ZNF274: variants seen among roughly 807,000 people sequenced by gnomAD.
ZNF274 encodes the protein zinc finger protein 274.
In ZNF274, 23 loss-of-function variants were observed where a neutral mutation model predicts 42.5. The ratio of observed to expected loss-of-function variants is 0.54; its 90% confidence interval spans 0.39 to 0.77. The LOEUF (loss-of-function observed/expected upper bound fraction) is 0.77. Among genes scored for constraint, ZNF274 ranks in the 30% least tolerant of loss-of-function variants. The pLI, the probability that ZNF274 is intolerant of heterozygous loss-of-function variation, is 0.00. For missense variants in ZNF274, 679 were observed against 806.5 expected (o/e 0.84, Z 1.91); for synonymous variants, 292 against 305.4 (o/e 0.96, Z 0.46).
intron 4 of ZNF274, among the ~76,000 whole-genome samples, chr19:58,196,140 G>C (rs1199266937): frequency 6.6e-6 from 1 of 152,186 alleles, no homozygotes; most frequent in African/African-American, 2.4e-5. Context: ...GTGGCTCTTG[G>C]GTGGAATACT....
intron 4 of ZNF274, among the ~76,000 whole-genome samples, chr19:58,197,448 T>C (rs184900954): frequency 6.6e-6 from 1 of 152,356 alleles, no homozygotes; most frequent in Non-Finnish European, 1.5e-5. Flanking sequence ...CTGATAAGTA[T>C]ATAAATGTAG....
intron 4 of ZNF274, among the ~76,000 whole-genome samples, chr19:58,188,676 G>GTGTATATATATGTATATGTATATATATA (rs1555816861): frequency 5.0e-5 from 4 of 79,770 alleles, no homozygotes; most frequent in Non-Finnish European, 9.9e-5. Flanking sequence ...GTGTGTGTGT[G>GTGTATATATATGTATATGTATATATATA]TATATATATA....
chr19:58,188,617 AAAAATATATATAT>A (rs1302643114), intron 4 of ZNF274, among the ~76,000 whole-genome samples: 926 of 58,180 alleles, frequency 0.016, 34 homozygotes, highest in African/African-American at 0.054. Context: ...AAAAAAAAAA[AAAAATATATATAT>A]ATATATATAT....
chr19:58,199,236 G>T (rs2075880307), intron 4 of ZNF274, among the ~76,000 whole-genome samples: 3 of 151,618 alleles, frequency 2.0e-5, no homozygotes, highest in Admixed American at 1.3e-4. Context: ...TGTGGTGGTG[G>T]GCGCCTGTAA....
rs1029982065 is a variant in ZNF274, at chr19:58,199,457, A to G, written c.257-7263A>G. On this transcript the variant is annotated intron_variant, in intron 4 of 7. Transcript: ENST00000617501. The stretch of plus-strand genomic sequence containing the variant: ...GTATGGTGGCTCACACCTGTACTGG[A>G]GTGGCTCAATCCCGATACTTTGGGA... 4.5e-4 allele frequency among the ~76,000 whole-genome samples: 68 copies of G among 152,192 alleles called. 1 individual carries two copies. The highest frequency in any genetic ancestry group is 2.2e-4 in the Non-Finnish European group (15 of 68,042).
intron 4 of ZNF274, among the ~76,000 whole-genome samples, chr19:58,204,199 C>T (rs1235004976): frequency 6.6e-6 from 1 of 152,120 alleles, no homozygotes; most frequent in Non-Finnish European, 1.5e-5. Context: ...GAAACTCCTG[C>T]CGCACTGCCC....
rs749417908 is a variant in ZNF274, at chr19:58,183,940, A to G, written c.-26A>G. 2 of 1,588,132 alleles carry G rather than the reference A, an allele frequency of 1.3e-6. No individual in the cohort carries two copies. Among genetic ancestry groups the G allele is most frequent in the Admixed American group, 1.8e-5 (1 of 55,696 alleles). On this transcript the variant is annotated 5_prime_UTR_variant, in exon 2 of 8. Coordinates refer to ENST00000617501, the MANE Select transcript of ZNF274 (RefSeq NM_133502.3). ...CCTCAGGACTCTGCCCACTTCCACC[A>G]GAGACACATTGAGAAGGAGGAAACT...
Position 58,212,214 on chromosome 19 carries a change from G to A in ZNF274, c.1033G>A (p.Glu345Lys). Residue 345 changes from glutamate to lysine, a missense_variant, in exon 8 of 8, where the codon GAG (glutamate) becomes AAG (lysine). Physicochemically the swap from Glu to Lys is moderately conservative, Grantham distance 56. This residue lies in a region of ZNF274 where 456 missense variants were observed against 590.1 expected (regional missense o/e 0.77). Coordinates refer to ENST00000617501, the MANE Select transcript of ZNF274 (RefSeq NM_133502.3). The surrounding 1 kb of genome is among the most constrained non-coding windows in gnomAD (Gnocchi z 4.6). ...GTTAGCTCCAAATTCTGACATTCCTGAGGAAGAACCAGCCCCCAGCCTGAA... is the reference window on the plus strand; with the variant it reads ...GTTAGCTCCAAATTCTGACATTCCTAAGGAAGAACCAGCCCCCAGCCTGAA... ...KELAPNSDIPEEEPAPSLKVQ... is the reference protein window; with the variant it reads ...KELAPNSDIPKEEPAPSLKVQ... 6.2e-7 allele frequency: 1 copy of A among 1,612,624 alleles called. No individual in the cohort carries two copies. Among genetic ancestry groups the A allele is most frequent in the South Asian group, 1.1e-5 (1 of 91,060 alleles).
At chr19:58,183,773 G>A (rs1027359776) in intron 1 of ZNF274, 148 bp from the exon 2 acceptor site, 4 of 587,830 alleles carry the variant, frequency 6.8e-6, no homozygotes, top group African/African-American at 3.8e-5. Flanking sequence ...CCAGTCCTGT[G>A]GGAGTCCTAT....
At chr19:58,188,614 A>ATATATAT (rs2075729879) in intron 4 of ZNF274, among the ~76,000 whole-genome samples, 2 of 86,218 alleles carry the variant, frequency 2.3e-5, no homozygotes, top group African/African-American at 1.4e-4. Context: ...TCAAAAAAAA[A>ATATATAT]AAAAAAATAT....
At position 58,211,787 on chromosome 19, in the gene ZNF274, C is replaced by A; in HGVS notation, c.979+101C>A. ...CTCTAGACTCCACACTGGGCATTCC[C>A]TCAAGGGGCCCTTGCTGCATCCAGG... On this transcript the variant is annotated intron_variant, in intron 7 of 7. Coordinates refer to ENST00000617501, the MANE Select transcript of ZNF274 (RefSeq NM_133502.3). This position sits in a 1 kb window ranked among gnomAD's most constrained non-coding sequence, Gnocchi z 4.8. The A allele has an allele frequency of 1.4e-6, 2 of 1,463,138 alleles. No homozygotes were observed. Among genetic ancestry groups the A allele is most frequent in the South Asian group, 1.4e-5 (1 of 71,624 alleles). 90.6% of individuals were successfully genotyped at this position (1,463,138 alleles called of 1,614,324 possible).
At chr19:58,193,932 AT>A (rs1301983735) in intron 4 of ZNF274, among the ~76,000 whole-genome samples, 1 of 151,996 alleles carries the variant, frequency 6.6e-6, no homozygotes, top group Non-Finnish European at 1.5e-5. Flanking sequence ...TCTCAAAAAA[AT>A]ATATCTATAT....
intron 4 of ZNF274, among the ~76,000 whole-genome samples, chr19:58,206,058 A>G (rs2075975739): frequency 6.6e-6 from 1 of 151,130 alleles, no homozygotes; most frequent in Admixed American, 6.6e-5. Flanking sequence ...CCAAGAAAGA[A>G]ACCGCATACC....
chr19:58,193,151 C>CT lies in ZNF274; in HGVS notation c.256+6122dup, dbSNP rs747568011. 7.4e-3 allele frequency among the ~76,000 whole-genome samples: 1,049 copies of CT among 142,428 alleles called. 15 individuals are homozygous for CT. Among genetic ancestry groups the CT allele is most frequent in the African/African-American group, 0.02 (782 of 39,066 alleles). 93.4% of individuals were successfully genotyped at this position (142,428 alleles called of 152,430 possible). On this transcript the variant is annotated intron_variant, in intron 4 of 7. Transcript: ENST00000617501. ...CATTCTTTTTGTCACTATCTTTTTT[C>CT]TTTTTTTTTTTTTGAGACACAGTCT...
At position 58,213,093 on chromosome 19, in the gene ZNF274, C is replaced by G; in HGVS notation, c.1912C>G (p.Gln638Glu). ...FTQSSHLIGH[Q>E]RTHNRTKRKK... is the part of the protein sequence containing the mutation. ...CCAGAGCTCACACCTTATTGGGCAC[C>G]AGAGAACCCACAATAGGACAAAGCG... The change falls in exon 8 of 8, where the codon CAG (glutamine) becomes GAG (glutamate). Residue 638 changes from glutamine to glutamate, a missense_variant. Around this residue, in one of 2 missense-constraint regions of ZNF274, gnomAD observed 456 missense variants for 590.1 expected, o/e 0.77. Coordinates refer to ENST00000617501, the MANE Select transcript of ZNF274 (RefSeq NM_133502.3). 1 of 1,613,960 alleles carries G rather than the reference C, an allele frequency of 6.2e-7. No individual in the cohort carries two copies. Among genetic ancestry groups the G allele is most frequent in the South Asian group, 1.1e-5 (1 of 91,086 alleles).
At chr19:58,201,996 G>A (rs1306625559) in intron 4 of ZNF274, among the ~76,000 whole-genome samples, 2 of 152,178 alleles carry the variant, frequency 1.3e-5, no homozygotes, top group Non-Finnish European at 2.9e-5. Flanking sequence ...TGGTACACTG[G>A]AGGAGACAGA....
At chr19:58,204,219 A>G (rs559641044) in intron 4 of ZNF274, among the ~76,000 whole-genome samples, 1 of 152,112 alleles carries the variant, frequency 6.6e-6, no homozygotes, top group South Asian at 2.1e-4. Context: ...CCGTTGCCCC[A>G]TGTAGGCCCA....
At chr19:58,203,907 A>G (rs1187598629) in intron 4 of ZNF274, among the ~76,000 whole-genome samples, 2 of 152,212 alleles carry the variant, frequency 1.3e-5, no homozygotes. Context: ...GTGATCTACA[A>G]TTGCGCCACC....
chr19:58,186,938 T>G lies in ZNF274; in HGVS notation c.161-9T>G. The G allele has an allele frequency of 6.2e-7, 1 of 1,612,716 alleles. No individual in the cohort carries two copies. The highest frequency in any genetic ancestry group is 8.5e-7 in the Non-Finnish European group (1 of 1,179,270). On this transcript the variant is annotated splice_polypyrimidine_tract_variant and intron_variant, in intron 3 of 7. Coordinates refer to ENST00000617501, the MANE Select transcript of ZNF274 (RefSeq NM_133502.3). ...CCCCCACAAGCCCTGTCTCTTTTCC[T>G]TTGAGCAGAACATCAGCTTTCCAAA...
Sources: allele counts gnomAD v4.1 joint callset (sites outside exome capture counted in the v4.1 genomes callset), GRCh38; gene constraint gnomAD v4.1.1; regional missense constraint gnomAD v4.1.1; non-coding constraint Gnocchi (gnomAD v3.1); transcripts MANE v1.5; gene names NCBI Gene and HGNC (gene_info 2026-07-23, HGNC 2026-07-21).